RUNX1T1: variants seen among roughly 807,000 people sequenced by gnomAD.
RUNX1T1 encodes the protein protein CBFA2T1.
Under a neutral mutation model 62.8 loss-of-function variants are expected in RUNX1T1, and 4 were observed. That is an observed-to-expected ratio of 0.06 (90% CI 0.03 to 0.15). RUNX1T1 has a LOEUF of 0.15. RUNX1T1 is among the 10% of genes least tolerant of loss of function. The pLI, the probability that RUNX1T1 is intolerant of heterozygous loss-of-function variation, is 1.00. For synonymous variants in RUNX1T1, 291 were observed against 286.0 expected (o/e 1.02, Z -0.18); for missense variants, 508 against 754.3 (o/e 0.67, Z 3.82).
intron 10 of RUNX1T1, among the ~76,000 whole-genome samples, chr8:91,970,043 T>TGTGTGTGTGTGTTGTGTGTGTG (rs11374252): frequency 2.1e-5 from 3 of 142,714 alleles, no homozygotes; most frequent in Admixed American, 7.0e-5. Flanking sequence ...TGTGTGTGTG[T>TGTGTGTGTGTGTTGTGTGTGTG]TGTGTGTGTG....
chr8:91,967,957 A>G (rs1266961434), intron 10 of RUNX1T1, among the ~76,000 whole-genome samples: 1 of 152,220 alleles, frequency 6.6e-6, no homozygotes, highest in Non-Finnish European at 1.5e-5. Flanking sequence ...ATATGAGCAG[A>G]TAATAATATA....
chr8:92,029,193 G>GA (rs1335400182), intron 1 of RUNX1T1, among the ~76,000 whole-genome samples: 2 of 152,002 alleles, frequency 1.3e-5, no homozygotes, highest in South Asian at 2.1e-4. Flanking sequence ...ACTCTAGGGG[G>GA]AAAAAAAGTA....
At chr8:91,990,111 T>C (rs1446759207) in intron 6 of RUNX1T1, among the ~76,000 whole-genome samples, 5 of 152,166 alleles carry the variant, frequency 3.3e-5, no homozygotes. Context: ...CCCTGTTTGC[T>C]AGCAATGTAG....
chr8:92,099,582 T>C (rs1231792931), exon 1 of RUNX1T1: 2 of 979,696 alleles, frequency 2.0e-6, no homozygotes, highest in Non-Finnish European at 2.4e-6. Flanking sequence ...TAACTTACAG[T>C]AATAGACTCC....
At chr8:92,041,985 A>AT (rs994229350) in intron 1 of RUNX1T1, among the ~76,000 whole-genome samples, 238 of 150,654 alleles carry the variant, frequency 1.6e-3, no homozygotes, top group African/African-American at 5.4e-3. Flanking sequence ...TACACAGCTA[A>AT]TTTTTTTTTG....
intron 1 of RUNX1T1, among the ~76,000 whole-genome samples, chr8:92,092,284 T>C (rs1382520282): frequency 6.6e-6 from 1 of 152,220 alleles, no homozygotes; most frequent in East Asian, 1.9e-4. Flanking sequence ...AATTAGATAA[T>C]TTTAAAAGAA....
At chr8:92,022,225 C>T (rs1260516223) in intron 1 of RUNX1T1, among the ~76,000 whole-genome samples, 1 of 151,994 alleles carries the variant, frequency 6.6e-6, no homozygotes, top group Non-Finnish European at 1.5e-5. Context: ...ATATTATTAT[C>T]CGTTCAAAGA....
exon 11 of RUNX1T1, chr8:91,958,955 CTT>C (rs35061826): frequency 1.8e-3 from 316 of 178,504 alleles, no homozygotes; most frequent in East Asian, 2.3e-3. Context: ...TCTTTTTTTC[CTT>C]TTTTTTTTTT....
intron 1 of RUNX1T1, among the ~76,000 whole-genome samples, chr8:92,089,992 C>T (rs1737987935): frequency 6.7e-6 from 1 of 150,118 alleles, no homozygotes; most frequent in South Asian, 2.1e-4. Flanking sequence ...AGCCCCAAAG[C>T]CTACTTTCAG....
At chr8:92,014,514 G>A (rs750369110) in intron 3 of RUNX1T1, 65 bp downstream of exon 4, 20 of 1,441,156 alleles carry the variant, frequency 1.4e-5, no homozygotes, top group Non-Finnish European at 1.8e-5. Flanking sequence ...GTGTCTACAT[G>A]TCTGAGTCTC....
At chr8:92,062,487 T>C (rs376260314) in intron 1 of RUNX1T1, 20 of 1,555,974 alleles carry the variant, frequency 1.3e-5, no homozygotes, top group African/African-American at 2.7e-5. Flanking sequence ...CCATGCATAA[T>C]AGAAAGTAAG....
upstream of RUNX1T1, among the ~76,000 whole-genome samples, chr8:92,063,889 C>A (rs1184238103): frequency 1.3e-5 from 2 of 152,184 alleles, no homozygotes; most frequent in African/African-American, 2.4e-5. Flanking sequence ...AGAAACAATT[C>A]CACTCAGGGT....
At chr8:92,045,039 T>C (rs373326834) in intron 1 of RUNX1T1, among the ~76,000 whole-genome samples, 1 of 144,568 alleles carries the variant, frequency 6.9e-6, no homozygotes, top group African/African-American at 2.6e-5. Context: ...GAGACCAGCC[T>C]GGGCAATATA....
At chr8:92,102,366 G>A (rs1217089491), upstream of RUNX1T1, among the ~76,000 whole-genome samples, 13 of 151,844 alleles carry the variant, frequency 8.6e-5, no homozygotes, top group Admixed American at 8.5e-4. The surrounding 1 kb of genome is among the most constrained non-coding windows in gnomAD (Gnocchi z 4.5). Context: ...TACTCCTTAG[G>A]GCTAAGTTTT....
intron 3 of RUNX1T1, among the ~76,000 whole-genome samples, chr8:92,011,908 G>C (rs1259348053): frequency 6.6e-6 from 1 of 152,170 alleles, no homozygotes; most frequent in Non-Finnish European, 1.5e-5. Flanking sequence ...TAAAGGCATT[G>C]AGTAAATTAA....
At chr8:92,083,799 C>T (rs762771741) in intron 1 of RUNX1T1, among the ~76,000 whole-genome samples, 21 of 152,182 alleles carry the variant, frequency 1.4e-4, no homozygotes, top group Non-Finnish European at 1.2e-4. Context: ...CACATGCACA[C>T]ATATGTTTAT....
At chr8:92,015,631 C>G (rs866627985) in intron 2 of RUNX1T1, among the ~76,000 whole-genome samples, 1 of 152,064 alleles carries the variant, frequency 6.6e-6, no homozygotes, top group Non-Finnish European at 1.5e-5. Flanking sequence ...TCCATAAGAA[C>G]TAGAATTAAA....
intron 1 of RUNX1T1, among the ~76,000 whole-genome samples, chr8:92,043,034 C>G (rs1234950354): frequency 1.3e-5 from 2 of 152,102 alleles, no homozygotes; most frequent in African/African-American, 4.8e-5. Context: ...TTCACCTGGA[C>G]CTCAGTCTCT....
At chr8:91,959,940 C>G in exon 11 of RUNX1T1, 1 of 411,536 alleles carries the variant, frequency 2.4e-6, no homozygotes. Flanking sequence ...ATCCCAGCTA[C>G]TTGAAAATAA....
Sources: allele counts gnomAD v4.1 joint callset (sites outside exome capture counted in the v4.1 genomes callset), GRCh38; gene constraint gnomAD v4.1.1; non-coding constraint Gnocchi (gnomAD v3.1); transcripts MANE v1.5; gene names NCBI Gene and HGNC (gene_info 2026-07-23, HGNC 2026-07-21).